Variants in GDAP1L1 observed in about 807,000 individuals in gnomAD.
GDAP1L1 encodes ganglioside-induced differentiation-associated protein 1-like 1.
Under a neutral mutation model 37.1 loss-of-function variants are expected in GDAP1L1, and 21 were observed. The observed-to-expected ratio is 0.57, with a 90% CI of 0.40 to 0.81. The LOEUF (loss-of-function observed/expected upper bound fraction) is 0.81, where lower values mean the gene tolerates loss of function less well. Among genes scored for constraint, GDAP1L1 ranks in the 40% least tolerant of loss-of-function variants. The pLI is 0.00. For missense variants in GDAP1L1, 362 were observed against 491.6 expected, an observed-to-expected ratio of 0.74 and a Z score of 2.49; for synonymous variants, 193 against 209.1, an observed-to-expected ratio of 0.92 and a Z score of 0.67.
At chr20:44,270,824 A>G (rs74399439) in intron 5 of GDAP1L1, among the ~76,000 whole-genome samples, 3,132 of 152,294 alleles carry the variant, frequency 0.021, 108 homozygotes, top group African/African-American at 0.071. Flanking sequence ...AGAAGCCACA[A>G]TGTCTTTTAT....
rs555945811 is a variant in GDAP1L1 at position 44,277,060 on chromosome 20, T to C, written c.761-1897T>C. 2.0e-5 allele frequency among the ~76,000 whole-genome samples: 3 copies of C among 152,318 alleles called. No homozygotes were observed. In the South Asian group the frequency reaches 6.2e-4, roughly 32 times the overall value. ...TTATTTCGAGATGGGGTTTCGCTCT[T>C]GTTGCCCAGGGTGGAGTGCAGTGGC... On this transcript the variant is annotated intron_variant, in intron 5 of 5. Transcript: ENST00000342560.
intron 5 of GDAP1L1, among the ~76,000 whole-genome samples, chr20:44,277,109 C>T (rs2062590914): frequency 6.6e-6 from 1 of 152,158 alleles, no homozygotes; most frequent in South Asian, 2.1e-4. Flanking sequence ...ACTGCAACTT[C>T]CGCCTCCCGG....
chr20:44,255,657 C>T (rs183643025), intron 1 of GDAP1L1, among the ~76,000 whole-genome samples: 11 of 150,708 alleles, frequency 7.3e-5, no homozygotes, highest in South Asian at 4.2e-4. Flanking sequence ...CTGCCCATGA[C>T]GCTGCATTGC....
At chr20:44,270,058 G>A (rs2062496859) in intron 5 of GDAP1L1, among the ~76,000 whole-genome samples, 1 of 151,884 alleles carries the variant, frequency 6.6e-6, no homozygotes, top group Admixed American at 6.6e-5. Flanking sequence ...AGAATTGGAT[G>A]TTTTCATCGA....
rs964201856 is a variant in GDAP1L1, at chr20:44,279,130, C to T, written c.934C>T (p.Arg312Trp). The T allele has an allele frequency of 4.3e-6, 7 of 1,614,042 alleles. No homozygotes were observed. Among genetic ancestry groups the T allele is most frequent in the African/African-American group, 1.3e-5 (1 of 74,922 alleles). The change falls in exon 6 of 6, where the codon CGG becomes TGG. Residue 312 changes from arginine to tryptophan, a missense_variant. Transcript: ENST00000342560. ...GAGGGTCCAGAGACGCTTTGCCTTC[C>T]GGAAAGTCCTGGGTGACATCCACAC... ...FERVQRRFAF[R>W]KVLGDIHTTL...
At chr20:44,264,708 G>C (rs1375382215) in intron 5 of GDAP1L1, 149 bp downstream of exon 5, 1 of 1,456,800 alleles carries the variant, frequency 6.9e-7, no homozygotes, top group Admixed American at 2.2e-5. Flanking sequence ...TAAGGTTCAA[G>C]TCATAACTTG....
intron 1 of GDAP1L1, among the ~76,000 whole-genome samples, chr20:44,255,671 T>C (rs1430940107): frequency 6.6e-6 from 1 of 152,014 alleles, no homozygotes; most frequent in Non-Finnish European, 1.5e-5. Context: ...GCATTGCCTC[T>C]TCTGGATGCT....
At chr20:44,257,119 C>T in intron 1 of GDAP1L1, 34 bp from the exon 2 acceptor site, 1 of 1,527,772 alleles carries the variant, frequency 6.5e-7, no homozygotes, top group Non-Finnish European at 8.8e-7. Context: ...CCTGTGTCCG[C>T]CCGCCTTCCC....
chr20:44,278,899 A>T lies in GDAP1L1; in HGVS notation c.761-58A>T. 3 of 1,101,606 alleles carry T rather than the reference A, an allele frequency of 2.7e-6. No individual in the cohort carries two copies. The East Asian group carries it at 7.1e-5, about 26-fold the overall frequency. 68.2% of individuals were successfully genotyped at this position (1,101,606 alleles called of 1,614,324 possible). A position where few individuals can be genotyped will look rare whatever the true frequency, so the allele number is the denominator to read the frequency against. ...GAAGCCAGTGGAGCTCATGGAGAGA[A>T]GCAAGTGTGTGTGTTAGGGGAGGCT... On this transcript the variant is annotated intron_variant, in intron 5 of 5. Transcript: ENST00000342560.
intron 4 of GDAP1L1, 129 bp from the exon 5 acceptor site, chr20:44,264,316 A>G: frequency 8.0e-7 from 1 of 1,242,304 alleles, no homozygotes; most frequent in Non-Finnish European, 1.0e-6. Flanking sequence ...ACGGGGGGGC[A>G]TCCTATACAC....
Position 44,247,418 on chromosome 20 carries a change from G to T in GDAP1L1, c.84G>T (p.Ala28=). The change falls in exon 1 of 6, where the codon GCG becomes GCT. Residue 28 remains alanine, a synonymous_variant. Coordinates refer to ENST00000342560, the MANE Select transcript of GDAP1L1 (RefSeq NM_024034.6). Reference sequence around the variant, plus strand: ...TGGAGAGCGATGCGGCCAAGCCAGCGGAGGCCCCCGACGCTCCCGAGGCGG... The same window carrying T: ...TGGAGAGCGATGCGGCCAAGCCAGCTGAGGCCCCCGACGCTCCCGAGGCGG... ...SALESDAAKP[A]EAPDAPEAAS... is the part of the protein sequence containing the mutation. 7 of 1,610,640 alleles carry T rather than the reference G, an allele frequency of 4.3e-6. No homozygotes were observed. The highest frequency in any genetic ancestry group is 2.2e-5 in the East Asian group (1 of 44,672).
intron 1 of GDAP1L1, among the ~76,000 whole-genome samples, chr20:44,254,286 C>G (rs2073498537): frequency 6.6e-6 from 1 of 152,148 alleles, no homozygotes; most frequent in Non-Finnish European, 1.5e-5. Flanking sequence ...CTCACACTTA[C>G]TCATACACTC....
intron 5 of GDAP1L1, among the ~76,000 whole-genome samples, chr20:44,268,486 AC>A (rs1336132620): frequency 6.6e-6 from 1 of 152,246 alleles, no homozygotes; most frequent in East Asian, 1.9e-4. Context: ...TAAAACTCAG[AC>A]CTCATTCTTG....
In GDAP1L1 at chr20:44,279,087, C is replaced by A. The variant is rs775867473; in HGVS notation, c.891C>A (p.Asn297Lys). Residue 297 changes from asparagine (N) to lysine (K), a missense_variant, in exon 6 of 6, where the codon AAC (asparagine) becomes AAA (lysine). Asn to Lys is a moderately conservative substitution (Grantham distance 94). Around this residue, in one of 2 missense-constraint regions of GDAP1L1, gnomAD observed 85 missense variants for 154.4 expected, o/e 0.55. Transcript: ENST00000342560. The stretch of plus-strand genomic sequence containing the variant: ...ACTGGGAAGATGGCAGCCGGCCCAA[C>A]CTGCAGTCCTTCTTTGAGAGGGTCC... ...KKYWEDGSRP[N>K]LQSFFERVQR... 4 of 1,614,178 alleles carry A rather than the reference C, an allele frequency of 2.5e-6. No individual in the cohort carries two copies. The highest frequency in any genetic ancestry group is 3.4e-6 in the Non-Finnish European group (4 of 1,180,000).
At chr20:44,259,526 C>A (rs1036032143) in intron 3 of GDAP1L1, among the ~76,000 whole-genome samples, 2 of 143,892 alleles carry the variant, frequency 1.4e-5, no homozygotes, top group African/African-American at 5.2e-5. Context: ...GACAGGGTCT[C>A]CCTCTGTCAT....
intron 1 of GDAP1L1, among the ~76,000 whole-genome samples, chr20:44,248,556 G>A (rs73906995): frequency 0.021 from 3,172 of 152,362 alleles, 120 homozygotes; most frequent in African/African-American, 0.073. Context: ...CATCTGGAAA[G>A]CGGGATAGTG....
At chr20:44,251,227 G>C (rs2073435224) in intron 1 of GDAP1L1, among the ~76,000 whole-genome samples, 1 of 152,250 alleles carries the variant, frequency 6.6e-6, no homozygotes, top group African/African-American at 2.4e-5. Flanking sequence ...GCCTGGCACA[G>C]AGGAGGTGAT....
intron 1 of GDAP1L1, among the ~76,000 whole-genome samples, chr20:44,256,866 A>G (rs1302471557): frequency 6.6e-6 from 1 of 152,158 alleles, no homozygotes; most frequent in Non-Finnish European, 1.5e-5. Flanking sequence ...CCACACTCAC[A>G]CAGCCAGGAA....
In GDAP1L1 at chr20:44,280,055, C is replaced by T; in HGVS notation, c.*755C>T. The stretch of plus-strand genomic sequence containing the variant: ...TGTGAGGTGGGACTTTCAGTAAAAG[C>T]CATGTTGACCCTCTCTCAGAAGGTC... On this transcript the variant is annotated 3_prime_UTR_variant, in exon 6 of 6. Transcript: ENST00000342560. 3.0e-6 allele frequency: 1 copy of T among 330,580 alleles called. No individual in the cohort carries two copies. Among genetic ancestry groups the T allele is most frequent in the Non-Finnish European group, 5.9e-6 (1 of 168,696 alleles). 20.5% of individuals were successfully genotyped at this position (330,580 alleles called of 1,614,324 possible). A position where few individuals can be genotyped will look rare whatever the true frequency, so the allele number is the denominator to read the frequency against.
Sources: allele counts gnomAD v4.1 joint callset (sites outside exome capture counted in the v4.1 genomes callset), GRCh38; gene constraint gnomAD v4.1.1; regional missense constraint gnomAD v4.1.1; transcripts MANE v1.5; gene names NCBI Gene and HGNC (gene_info 2026-07-23, HGNC 2026-07-21).